The following AFF2 variants were observed in gnomAD, a reference collection of about 807,000 sequenced individuals.
The protein encoded by AFF2 is AF4/FMR2 family member 2.
In AFF2, 14 loss-of-function variants were observed where a neutral mutation model predicts 76.9. That is an observed-to-expected ratio of 0.18 (90% CI 0.12 to 0.28). AFF2 has a LOEUF of 0.28. Among genes scored for constraint, AFF2 ranks in the 10% least tolerant of loss-of-function variants. The pLI, the probability that AFF2 is intolerant of heterozygous loss-of-function variation, is 1.00. For missense variants in AFF2, 868 were observed against 1,001.1 expected, an observed-to-expected ratio of 0.87 and a Z score of 1.79; for synonymous variants, 398 against 366.7, an observed-to-expected ratio of 1.09 and a Z score of -0.98.
chrX:148,905,302 C>T (rs1359018337), intron 9 of AFF2, among the ~76,000 whole-genome samples: 2 of 112,324 alleles, frequency 1.8e-5, no homozygotes, highest in Non-Finnish European at 1.9e-5. Context: ...AGAATATTCC[C>T]TATCAGGCTC....
intron 3 of AFF2, among the ~76,000 whole-genome samples, chrX:148,696,086 A>T (rs2124508088): frequency 8.9e-6 from 1 of 112,393 alleles, no homozygotes; most frequent in South Asian, 3.7e-4. Flanking sequence ...TTGGTTTATC[A>T]GTGTTGCATA....
chrX:148,826,247 G>T (rs1262796149), intron 4 of AFF2, among the ~76,000 whole-genome samples: 2 of 99,058 alleles, frequency 2.0e-5, no homozygotes, highest in Non-Finnish European at 4.1e-5. Flanking sequence ...GGGGGTGGGG[G>T]TAATTGGAAT....
intron 3 of AFF2, among the ~76,000 whole-genome samples, chrX:148,734,638 T>C: frequency 8.9e-6 from 1 of 112,248 alleles, no homozygotes; most frequent in Non-Finnish European, 1.9e-5. Context: ...TTTGAAAATG[T>C]TAACTAAAAA....
chrX:148,882,077 A>AT lies in AFF2; in HGVS notation c.1263-3807dup, dbSNP rs2071103159. On this transcript the variant is annotated intron_variant, in intron 7 of 20. Transcript: ENST00000370460. ...TCTATAATAATGTTTCAAGCCCTCT[A>AT]TTTTTCCCTCTTCAAAATCATCTAA... is the stretch of plus-strand genomic sequence containing the variant. Among the ~76,000 whole-genome samples, 5 of 111,270 alleles carry AT rather than the reference A, an allele frequency of 4.5e-5. No individual in the cohort carries two copies. In the South Asian group the frequency reaches 1.9e-3, roughly 42 times the overall value.
rs1339661294 is a variant in AFF2 at position 148,998,257 on chromosome X, T to C, written c.*6925T>C. The C allele has an allele frequency of 8.9e-6, 1 of 112,024 alleles. No individual in the cohort carries two copies. The highest frequency in any genetic ancestry group is 3.3e-5 in the African/African-American group (1 of 30,733). The allele number at this position is 112,024 out of a possible 1,213,427, so 9.2% of individuals were successfully genotyped here. On this transcript the variant is annotated 3_prime_UTR_variant, in exon 21 of 21. Coordinates refer to ENST00000370460, the MANE Select transcript of AFF2 (RefSeq NM_002025.4). ...GTGGTTGTATCTGTGGCTGTGATGG[T>C]TGTTGTTACTTGTCTCTCTCTCTCT...
At chrX:148,545,509 T>C (rs1204402890) in intron 1 of AFF2, among the ~76,000 whole-genome samples, 1 of 111,594 alleles carries the variant, frequency 9.0e-6, no homozygotes, top group Non-Finnish European at 1.9e-5. Flanking sequence ...TGGATGCCTT[T>C]TGTATCCCTT....
At position 148,997,292 on chromosome X, in the gene AFF2, C is replaced by T. The variant is rs2072614374; in HGVS notation, c.*5960C>T. 9.3e-6 allele frequency: 1 copy of T among 107,766 alleles called. No homozygotes were observed. The highest frequency in any genetic ancestry group is 4.7e-3 in the Middle Eastern group (1 of 215). The allele number at this position is 107,766 out of a possible 1,213,427, so 8.9% of individuals were successfully genotyped here. ...ATGAGGCTTTCATTAAATACACACA[C>T]ACACACACTCACACACACACACATA... On this transcript the variant is annotated 3_prime_UTR_variant, in exon 21 of 21. Coordinates refer to ENST00000370460, the MANE Select transcript of AFF2 (RefSeq NM_002025.4).
chrX:148,587,969 C>A (rs781939896), intron 1 of AFF2, among the ~76,000 whole-genome samples: 1 of 112,478 alleles, frequency 8.9e-6, no homozygotes, highest in South Asian at 3.6e-4. Context: ...TTTCAGCTCC[C>A]GCCAAAAGGC....
At chrX:148,908,466 G>A (rs189532173) in intron 9 of AFF2, among the ~76,000 whole-genome samples, 63 of 111,817 alleles carry the variant, frequency 5.6e-4, no homozygotes, top group Admixed American at 1.5e-3. Flanking sequence ...CCCTCCATTC[G>A]GGGTCCCTGA....
At position 148,958,466 on chromosome X, in the gene AFF2, T is replaced by C; in HGVS notation, c.2690+8T>C. ...GCCTCCCAACACTAGAGAGTGAGTT[T>C]GCCCTGGCCCTGTCTGATGGCTTGG... On this transcript the variant is annotated splice_region_variant and intron_variant, in intron 12 of 20. Transcript: ENST00000370460. 8.3e-7 allele frequency: 1 copy of C among 1,207,839 alleles called. No individual in the cohort carries two copies. Among genetic ancestry groups the C allele is most frequent in the South Asian group, 1.8e-5 (1 of 56,152 alleles).
chrX:148,732,263 C>T (rs241094), intron 3 of AFF2, among the ~76,000 whole-genome samples: 17 of 95,617 alleles, frequency 1.8e-4, no homozygotes, highest in Admixed American at 3.5e-4. Context: ...GATGAGTTCA[C>T]GTCCTTTGTA....
chrX:148,773,854 T>G (rs5936432), intron 3 of AFF2, among the ~76,000 whole-genome samples: 1 of 109,996 alleles, frequency 9.1e-6, no homozygotes, highest in Non-Finnish European at 1.9e-5. Flanking sequence ...ATTCCAAATG[T>G]GCAGGAAACT....
At chrX:148,936,292 T>C (rs1190355096) in intron 9 of AFF2, among the ~76,000 whole-genome samples, 1 of 112,392 alleles carries the variant, frequency 8.9e-6, no homozygotes, top group Non-Finnish European at 1.9e-5. Context: ...ATATCTGACA[T>C]GCAGGAATTT....
intron 1 of AFF2, among the ~76,000 whole-genome samples, chrX:148,613,534 C>T (rs1248811602): frequency 9.0e-6 from 1 of 111,474 alleles, no homozygotes; most frequent in African/African-American, 3.3e-5. Flanking sequence ...ACTCCATTGC[C>T]ATCTGCCTAA....
At chrX:148,552,096 T>C (rs1165910723) in intron 1 of AFF2, among the ~76,000 whole-genome samples, 1 of 112,865 alleles carries the variant, frequency 8.9e-6, no homozygotes, top group Non-Finnish European at 1.9e-5. Context: ...AAGCTTGTAC[T>C]CGGTCTCTCA....
chrX:148,981,804 A>G (rs782350932), intron 19 of AFF2, among the ~76,000 whole-genome samples: 35 of 112,641 alleles, frequency 3.1e-4, no homozygotes, highest in Non-Finnish European at 5.6e-4. Flanking sequence ...CACTTTATAA[A>G]TATCTAGAAA....
intron 3 of AFF2, among the ~76,000 whole-genome samples, chrX:148,733,191 C>A (rs2055247846): frequency 1.8e-5 from 2 of 111,698 alleles, no homozygotes; most frequent in Admixed American, 1.9e-4. Flanking sequence ...TTTGACTACT[C>A]ATGCAACATT....
At chrX:148,905,007 A>G in intron 9 of AFF2, among the ~76,000 whole-genome samples, 1 of 112,043 alleles carries the variant, frequency 8.9e-6, no homozygotes, top group East Asian at 2.8e-4. Flanking sequence ...GGGCTATTAT[A>G]GGTCTGGTAA....
At chrX:148,914,570 A>G (rs1266033469) in intron 9 of AFF2, among the ~76,000 whole-genome samples, 2 of 112,035 alleles carry the variant, frequency 1.8e-5, no homozygotes, top group African/African-American at 6.5e-5. Flanking sequence ...AAATAGACAC[A>G]TCAAATCCTT....
Sources: gnomAD v4.1 joint callset for allele counts (sites outside exome capture counted in the v4.1 genomes callset) on GRCh38, gnomAD v4.1.1 for gene constraint, MANE v1.5 for transcripts, NCBI Gene and HGNC (gene_info 2026-07-23, HGNC 2026-07-21) for gene names.